PKHD1L1: variants seen among roughly 807,000 people sequenced by gnomAD.
PKHD1L1 encodes the protein fibrocystin-L.
PKHD1L1 carries 434 observed loss-of-function variants against 462.9 expected under a neutral mutation model. That is an observed-to-expected ratio of 0.94 (90% CI 0.87 to 1.02). The LOEUF (loss-of-function observed/expected upper bound fraction) is 1.02, where lower values mean the gene tolerates loss of function less well. PKHD1L1 is among the 50% of genes least tolerant of loss of function. PKHD1L1 has a pLI of 0.00. For missense variants in PKHD1L1, 5,202 were observed against 5,096.1 expected, an observed-to-expected ratio of 1.02 and a Z score of -0.63; for synonymous variants, 1,781 against 1,750.0, an observed-to-expected ratio of 1.02 and a Z score of -0.44.
chr8:109,484,430 AT>A, intron 57 of PKHD1L1, among the ~76,000 whole-genome samples: 1 of 152,048 alleles, frequency 6.6e-6, no homozygotes, highest in African/African-American at 2.4e-5. Context: ...ATAAATATCT[AT>A]TGATTTCAAA....
chr8:109,421,599 G>A (rs528585812), intron 23 of PKHD1L1, among the ~76,000 whole-genome samples: 1 of 152,108 alleles, frequency 6.6e-6, no homozygotes, highest in South Asian at 2.1e-4. Flanking sequence ...GGGCTAACAT[G>A]GTGAAACCCC....
intron 30 of PKHD1L1, 73 bp from the exon 31 acceptor site, chr8:109,438,251 C>A: frequency 1.8e-6 from 2 of 1,098,788 alleles, no homozygotes; most frequent in African/African-American, 1.6e-5. Context: ...TCTGAATAAT[C>A]TATTTCTTTT....
chr8:109,368,812 T>C (rs1246605172), intron 2 of PKHD1L1, among the ~76,000 whole-genome samples: 9 of 152,138 alleles, frequency 5.9e-5, no homozygotes, highest in Non-Finnish European at 1.3e-4. Flanking sequence ...AATTCCTGTC[T>C]CCAGTTTTTC....
Position 109,477,326 on chromosome 8 carries a change from C to T in PKHD1L1, c.9019C>T (p.Leu3007Phe). The T allele has an allele frequency of 6.2e-7, 1 of 1,613,548 alleles. No homozygotes were observed. The highest frequency in any genetic ancestry group is 1.7e-4 in the Middle Eastern group (1 of 6,060). The change falls in exon 53 of 78, where the codon CTC (leucine) becomes TTC (phenylalanine). Residue 3007 changes from leucine to phenylalanine, a missense_variant. By Grantham distance (22) the Leu-to-Phe change is conservative (BLOSUM62 0). Transcript: ENST00000378402. Reference protein sequence around the residue: ...VINFQAYCCILQDCFPVHPPS... With the variant: ...VINFQAYCCIFQDCFPVHPPS... Reference sequence around the variant, plus strand: ...TAATTTCCAAGCTTACTGTTGTATTCTCCAGGATTGCTTTCCTGTACATCC... The same window carrying T: ...TAATTTCCAAGCTTACTGTTGTATTTTCCAGGATTGCTTTCCTGTACATCC...
At chr8:109,396,205 A>G in intron 11 of PKHD1L1, 68 bp downstream of exon 11, 1 of 1,043,710 alleles carries the variant, frequency 9.6e-7, no homozygotes. Flanking sequence ...AATAATTTGT[A>G]ATAATAATAA....
chr8:109,429,835 A>G, intron 26 of PKHD1L1, 97 bp from the exon 27 acceptor site: 1 of 837,456 alleles, frequency 1.2e-6, no homozygotes, highest in Admixed American at 2.5e-5. Context: ...GTAAATTAGC[A>G]AACCAACAAA....
intron 44 of PKHD1L1, among the ~76,000 whole-genome samples, 200 bp from the exon 45 acceptor site, chr8:109,454,523 T>A (rs1366000262): frequency 6.6e-6 from 1 of 152,188 alleles, no homozygotes; most frequent in African/African-American, 2.4e-5. Flanking sequence ...TCAATCAGTA[T>A]ACCTTTCAAA....
At chr8:109,518,650 T>G in intron 73 of PKHD1L1, 142 bp downstream of exon 73, 1 of 610,278 alleles carries the variant, frequency 1.6e-6, no homozygotes, top group East Asian at 2.8e-5. Context: ...CCAGAGACCC[T>G]TTTTCCTTCT....
At chr8:109,465,343 T>A in intron 49 of PKHD1L1, 98 bp downstream of exon 49, 1 of 1,257,390 alleles carries the variant, frequency 8.0e-7, no homozygotes, top group Admixed American at 2.7e-5. Context: ...GCCTTACAGA[T>A]CTTACCCAAT....
chr8:109,402,391 G>A (rs1813316455), intron 14 of PKHD1L1, among the ~76,000 whole-genome samples: 1 of 152,152 alleles, frequency 6.6e-6, no homozygotes. Context: ...TGGTAACCTA[G>A]AATGCCTCAC....
rs186674295 is a variant in PKHD1L1, at chr8:109,383,147, T to A, written c.417+576T>A. ...ATAGTTATATATATTATTGTATATA[T>A]TATATATATTTATATATAATATATA... On this transcript the variant is annotated intron_variant, in intron 4 of 77. Transcript: ENST00000378402. Among the ~76,000 whole-genome samples, 494 of 62,478 alleles carry A rather than the reference T, an allele frequency of 7.9e-3. 19 individuals are homozygous for A. In the East Asian group the frequency reaches 0.11, roughly 14 times the overall value. The allele number at this position is 62,478 out of a possible 152,430, so 41.0% of individuals were successfully genotyped here.
chr8:109,436,337 G>A lies in PKHD1L1; in HGVS notation c.3506-1G>A. 6.2e-7 allele frequency: 1 copy of A among 1,608,168 alleles called. No individual in the cohort carries two copies. Among genetic ancestry groups the A allele is most frequent in the South Asian group, 1.1e-5 (1 of 89,566 alleles). ...TGTTTTTGTTTGCTTTTCTTATGAA[G>A]GTGGTACTCTACTGACTTTATCTGG... On this transcript the variant is annotated splice_acceptor_variant, in intron 29 of 77. Coordinates refer to ENST00000378402, the MANE Select transcript of PKHD1L1 (RefSeq NM_177531.6). LOFTEE classifies it high-confidence loss of function.
rs1396772053 is a variant in PKHD1L1 at position 109,406,368 on chromosome 8, T to C, written c.1703T>C (p.Leu568Pro). ...FLPADASEFI[L>P]QSALNDLWSI... ...CCTGCTGATGCTTCTGAATTCATACTGCAATCAGCCTTGAATGACCTCTGG... is the reference window on the plus strand; with the variant it reads ...CCTGCTGATGCTTCTGAATTCATACCGCAATCAGCCTTGAATGACCTCTGG... The change falls in exon 17 of 78, where the codon CTG becomes CCG. Residue 568 changes from leucine to proline, a missense_variant. Physicochemically the swap from Leu to Pro is moderately conservative, Grantham distance 98. Transcript: ENST00000378402. 6.4e-7 allele frequency: 1 copy of C among 1,556,690 alleles called. No individual in the cohort carries two copies. The highest frequency in any genetic ancestry group is 2.4e-5 in the East Asian group (1 of 41,700).
rs1168701169 is a variant in PKHD1L1, at chr8:109,465,129, G to T, written c.8297G>T (p.Arg2766Ile). 6.2e-7 allele frequency: 1 copy of T among 1,613,810 alleles called. No homozygotes were observed. The highest frequency in any genetic ancestry group is 2.2e-5 in the East Asian group (1 of 44,880). Residue 2766 changes from arginine (R) to isoleucine (I), a missense_variant, in exon 49 of 78, where the codon AGA becomes ATA. Around this residue, in one of 3 missense-constraint regions of PKHD1L1, gnomAD observed 4,497 missense variants for 4,336.8 expected, o/e 1.04. Transcript: ENST00000378402. ...TCCATCTCTGGAGTTTGTAATGACA[G>T]ATGTGGGGGTTGGAGTGCAAAGTTT... ...VTSISGVCNDRCGGWSAKFVD... is the reference protein window; with the variant it reads ...VTSISGVCNDICGGWSAKFVD...
At chr8:109,457,343 A>G (rs984364687) in intron 46 of PKHD1L1, among the ~76,000 whole-genome samples, 6 of 152,164 alleles carry the variant, frequency 3.9e-5, no homozygotes, top group Admixed American at 6.6e-5. Context: ...TAATTATATA[A>G]TGGCAAAATT....
intron 67 of PKHD1L1, among the ~76,000 whole-genome samples, chr8:109,503,562 C>G (rs1359879010): frequency 1.3e-5 from 2 of 152,140 alleles, no homozygotes; most frequent in African/African-American, 4.8e-5. Context: ...TTAGAGGTCA[C>G]CTTTTGCTTT....
In PKHD1L1 at chr8:109,412,330, A is replaced by T. The variant is rs1813900661; in HGVS notation, c.2151A>T (p.Lys717Asn). Residue 717 changes from lysine (K) to asparagine (N), a missense_variant, in exon 20 of 78, where the codon AAA becomes AAT. Around this residue, in one of 3 missense-constraint regions of PKHD1L1, gnomAD observed 4,497 missense variants for 4,336.8 expected, o/e 1.04. Transcript: ENST00000378402. ...CTTACTGTGGTCGTTATTCCCTGAA[A>T]AACCCAGCTGTTCTTTTTGACTCAG... ...TDAYCGRYSL[K>N]NPAVLFDSAD... 6.2e-7 allele frequency: 1 copy of T among 1,613,740 alleles called. No homozygotes were observed. Among genetic ancestry groups the T allele is most frequent in the Non-Finnish European group, 8.5e-7 (1 of 1,179,786 alleles).
Position 109,507,769 on chromosome 8 carries a change from CCTCAAGCAGAATATGAATGGGACGGAAA to C in PKHD1L1, c.11103_11130del (p.Gln3702AlafsTer3), listed in dbSNP as rs769743359. Reference sequence around the variant, plus strand: ...TCTGGGGAATGCTGGTTCTGTGATACCTCAAGCAGAATATGAATGGGACGGAAACAGCCAAGTAGGAATTGGAGACTAC... The same window carrying C: ...TCTGGGGAATGCTGGTTCTGTGATACCAGCCAAGTAGGAATTGGAGACTAC... On this transcript the variant is annotated frameshift_variant, in exon 69 of 78. Transcript: ENST00000378402. LOFTEE classifies it high-confidence loss of function. 6.2e-7 allele frequency: 1 copy of C among 1,613,250 alleles called. No homozygotes were observed. Among genetic ancestry groups the C allele is most frequent in the African/African-American group, 1.3e-5 (1 of 74,818 alleles).
intron 2 of PKHD1L1, among the ~76,000 whole-genome samples, chr8:109,370,615 G>T (rs1044898917): frequency 1.2e-4 from 18 of 151,664 alleles, no homozygotes; most frequent in Non-Finnish European, 2.1e-4. Context: ...CCATTAACTC[G>T]TCATTTAGCA....
Sources: allele counts gnomAD v4.1 joint callset (sites outside exome capture counted in the v4.1 genomes callset), GRCh38; gene constraint gnomAD v4.1.1; regional missense constraint gnomAD v4.1.1; transcripts MANE v1.5; gene names NCBI Gene and HGNC (gene_info 2026-07-23, HGNC 2026-07-21).